The following YY1AP1 variants were observed in gnomAD, a reference collection of about 807,000 sequenced individuals.
YY1AP1 encodes YY1 associated protein 1, also known as YY1-associated protein 1.
YY1AP1 carries 43 observed loss-of-function variants against 39.9 expected under a neutral mutation model. The ratio of observed to expected loss-of-function variants is 1.08; its 90% CI spans 0.84 to 1.39. The LOEUF is 1.39. Among genes scored for constraint, YY1AP1 ranks in the 40% most tolerant of loss-of-function variants. YY1AP1 has a pLI of 0.00. For missense variants in YY1AP1, 813 were observed against 900.7 expected, an observed-to-expected ratio of 0.90 and a Z score of 1.25; for synonymous variants, 292 against 331.3, an observed-to-expected ratio of 0.88 and a Z score of 1.29.
Position 155,660,263 on chromosome 1 carries a change from G to C in YY1AP1, c.1647C>G (p.His549Gln), listed in dbSNP as rs954473714. ...GAACAGTGAAGATAACAGATGCAGG[G>C]TGGATAACAGGGGCAGGTTTGATAC... is the stretch of plus-strand genomic sequence containing the variant. ...FRCIKPAPVI[H>Q]PASVIFTVPA... Residue 549 changes from histidine to glutamine, a missense_variant, in exon 11 of 11, where the codon CAC becomes CAG. By Grantham distance (24) the His-to-Gln change is conservative. Around this residue, in one of 3 missense-constraint regions of YY1AP1, gnomAD observed 586 missense variants for 647.4 expected, o/e 0.91. Transcript: ENST00000355499. 6.2e-7 allele frequency: 1 copy of C among 1,614,086 alleles called. No homozygotes were observed.
At chr1:155,669,450 A>C (rs956126006) in intron 8 of YY1AP1, among the ~76,000 whole-genome samples, 4 of 152,224 alleles carry the variant, frequency 2.6e-5, no homozygotes, top group African/African-American at 9.6e-5. Context: ...AATAAGAATC[A>C]AATAGTTCAC....
intron 2 of YY1AP1, among the ~76,000 whole-genome samples, chr1:155,684,227 G>A (rs983030145): frequency 1.3e-5 from 2 of 152,094 alleles, no homozygotes; most frequent in African/African-American, 4.8e-5. Context: ...CAGCCTGGGC[G>A]AGGAGAGCGA....
intron 5 of YY1AP1, among the ~76,000 whole-genome samples, chr1:155,676,275 T>C (rs1362465821): frequency 6.6e-6 from 1 of 151,902 alleles, no homozygotes; most frequent in Non-Finnish European, 1.5e-5. Flanking sequence ...CTTGTCACAG[T>C]GAAGGTTAAA....
At chr1:155,669,640 AT>A (rs1305073166) in intron 8 of YY1AP1, among the ~76,000 whole-genome samples, 10 of 152,228 alleles carry the variant, frequency 6.6e-5, no homozygotes, top group Non-Finnish European at 1.0e-4. Context: ...ACTGGCACCA[AT>A]ACTACCCTCT....
intron 4 of YY1AP1, among the ~76,000 whole-genome samples, chr1:155,678,655 T>C (rs1651072801): frequency 6.6e-6 from 1 of 152,180 alleles, no homozygotes; most frequent in Non-Finnish European, 1.5e-5. Context: ...GGTTGGCCTA[T>C]CTTATCTTTT....
At chr1:155,677,705 G>T (rs944606676) in intron 4 of YY1AP1, among the ~76,000 whole-genome samples, 4 of 152,164 alleles carry the variant, frequency 2.6e-5, no homozygotes, top group Admixed American at 2.6e-4. Flanking sequence ...GTAAAAACCT[G>T]AAGACCGTGG....
At position 155,679,625 on chromosome 1, in the gene YY1AP1, C is replaced by T. The variant is rs1250727503; in HGVS notation, c.22-113G>A. ...ACAATACTTTAATAATGCTGGCACCCAGAAAGAGCCTACATCAGAACCTTT... is the reference window on the plus strand; with the variant it reads ...ACAATACTTTAATAATGCTGGCACCTAGAAAGAGCCTACATCAGAACCTTT... On this transcript the variant is annotated intron_variant, in intron 3 of 10. Transcript: ENST00000355499. 1.3e-6 allele frequency: 2 copies of T among 1,560,444 alleles called. 1 individual carries two copies. The highest frequency in any genetic ancestry group is 1.7e-6 in the Non-Finnish European group (2 of 1,151,374).
Position 155,668,615 on chromosome 1 carries a change from G to A in YY1AP1, c.879+12C>T. The A allele has an allele frequency of 6.2e-7, 1 of 1,614,104 alleles. No individual in the cohort carries two copies. On this transcript the variant is annotated intron_variant, in intron 9 of 10. Transcript: ENST00000355499. ...GTGAGGTGCCTGGATAGTGCATGCA[G>A]GAAACACTCACTTTAATGATGTTGT...
intron 5 of YY1AP1, among the ~76,000 whole-genome samples, 189 bp from the exon 6 acceptor site, chr1:155,675,285 C>T (rs953593624): frequency 6.6e-6 from 1 of 151,952 alleles, no homozygotes; most frequent in African/African-American, 2.4e-5. Flanking sequence ...CTCAGCCTCC[C>T]AAGTAGCTGT....
At position 155,675,047 on chromosome 1, in the gene YY1AP1, T is replaced by G. The variant is rs758064394; in HGVS notation, c.374A>C (p.Asn125Thr). Reference sequence around the variant, plus strand: ...GGTGCTACTGGCCTCCGGATTGAGATTGGGGTTGCAGGTGGCAAGAAGGTG... The same window carrying G: ...GGTGCTACTGGCCTCCGGATTGAGAGTGGGGTTGCAGGTGGCAAGAAGGTG... ...QIHLLATCNP[N>T]LNPEASSTRI... Residue 125 changes from asparagine to threonine, a missense_variant, in exon 6 of 11, where the codon AAT (asparagine) becomes ACT (threonine). Around this residue, in one of 3 missense-constraint regions of YY1AP1, gnomAD observed 196 missense variants for 189.7 expected, o/e 1.03. Coordinates refer to ENST00000355499, the MANE Select transcript of YY1AP1 (RefSeq NM_139119.3). 1 of 1,613,802 alleles carries G rather than the reference T, an allele frequency of 6.2e-7. No individual in the cohort carries two copies. The highest frequency in any genetic ancestry group is 8.5e-7 in the Non-Finnish European group (1 of 1,179,814).
chr1:155,662,817 A>G (rs958947875), intron 9 of YY1AP1, among the ~76,000 whole-genome samples: 30 of 152,080 alleles, frequency 2.0e-4, no homozygotes, highest in Non-Finnish European at 3.2e-4. Context: ...CCTGGCCAAC[A>G]TGGCGAAACC....
intron 2 of YY1AP1, among the ~76,000 whole-genome samples, chr1:155,687,074 C>T (rs1379889451): frequency 2.6e-5 from 4 of 152,158 alleles, no homozygotes; most frequent in Non-Finnish European, 5.9e-5. Flanking sequence ...AGCATCCTAC[C>T]ATTTTCACAG....
intron 2 of YY1AP1, among the ~76,000 whole-genome samples, chr1:155,681,017 A>G (rs1004162396): frequency 7.2e-5 from 11 of 152,014 alleles, no homozygotes; most frequent in Non-Finnish European, 1.3e-4. Context: ...ACAAGGAGAA[A>G]ATGTGAGCTA....
intron 2 of YY1AP1, among the ~76,000 whole-genome samples, chr1:155,682,692 C>T (rs181618763): frequency 3.9e-5 from 6 of 151,986 alleles, no homozygotes; most frequent in Admixed American, 6.6e-5. Flanking sequence ...AGGATTTAAT[C>T]CACTGACATC....
chr1:155,671,386 A>AC (rs528028287), intron 7 of YY1AP1, among the ~76,000 whole-genome samples: 126 of 151,194 alleles, frequency 8.3e-4, no homozygotes, highest in African/African-American at 3.0e-3. Flanking sequence ...AGCCGAGATC[A>AC]CCCCACTGCA....
At position 155,686,902 on chromosome 1, in the gene YY1AP1, G is replaced by GC. The variant is rs529707576; in HGVS notation, c.-21+1168dup. Among the ~76,000 whole-genome samples the GC allele has an allele frequency of 2.2e-3, 335 of 151,790 alleles. 3 individuals are homozygous for GC. Among genetic ancestry groups the GC allele is most frequent in the Non-Finnish European group, 2.3e-3 (156 of 67,942 alleles). ...CTATCTTTCCAGCATACTCAGATTT[G>GC]CCGACAAAGACTTCCTGAGGCACCA... On this transcript the variant is annotated intron_variant, in intron 2 of 10. Coordinates refer to ENST00000355499, the MANE Select transcript of YY1AP1 (RefSeq NM_139119.3).
In YY1AP1 at chr1:155,680,406, C is replaced by T; in HGVS notation, c.21+10G>A. On this transcript the variant is annotated intron_variant, in intron 3 of 10. Transcript: ENST00000355499. ...CAATCCCATGTTCTCACTTGAGGAT[C>T]ATTACTCACAGTTTCAAACAGATCT... 1 of 1,613,196 alleles carries T rather than the reference C, an allele frequency of 6.2e-7. No individual in the cohort carries two copies. The highest frequency in any genetic ancestry group is 8.5e-7 in the Non-Finnish European group (1 of 1,179,482).
intron 3 of YY1AP1, chr1:155,680,035 G>A: frequency 8.7e-6 from 2 of 230,876 alleles, no homozygotes; most frequent in South Asian, 1.2e-4. Flanking sequence ...TAATTAGCCG[G>A]GCCTGTAGGT....
At chr1:155,687,869 T>A (rs552291822) in intron 2 of YY1AP1, 15 of 552,156 alleles carry the variant, frequency 2.7e-5, no homozygotes, top group Non-Finnish European at 3.7e-5. Flanking sequence ...GGAGTCTGCC[T>A]GTCAGGGACA....
Sources: gnomAD v4.1 joint callset for allele counts (sites outside exome capture counted in the v4.1 genomes callset) on GRCh38, gnomAD v4.1.1 for gene constraint, gnomAD v4.1.1 regional missense constraint, MANE v1.5 for transcripts, NCBI Gene and HGNC (gene_info 2026-07-23, HGNC 2026-07-21) for gene names.